The following RNF214 variants were observed in gnomAD, a reference collection of about 807,000 sequenced individuals.
The protein encoded by RNF214 is ring finger protein 214.
RNF214 carries 25 observed loss-of-function variants against 75.9 expected under a neutral mutation model. That is an observed-to-expected ratio of 0.33 (90% CI 0.24 to 0.46). The LOEUF is 0.46. Ranked by LOEUF, RNF214 falls within the 20% of genes least tolerant of loss-of-function variation. The pLI, the probability that RNF214 is intolerant of heterozygous loss-of-function variation, is 1.00. For missense variants in RNF214, 725 were observed against 857.5 expected (o/e 0.85, Z 1.93); for synonymous variants, 314 against 308.8 (o/e 1.02, Z -0.18).
At chr11:117,262,502 C>T (rs2033689292) in intron 6 of RNF214, among the ~76,000 whole-genome samples, 2 of 152,142 alleles carry the variant, frequency 1.3e-5, no homozygotes, top group Admixed American at 1.3e-4. Context: ...ACCTCAGCCT[C>T]CCAAGTAACT....
chr11:117,271,460 A>C (rs1465387960), intron 6 of RNF214, among the ~76,000 whole-genome samples: 1 of 152,152 alleles, frequency 6.6e-6, no homozygotes, highest in South Asian at 2.1e-4. Flanking sequence ...TCCTTTCTCA[A>C]TGATCATAGT....
At position 117,283,186 on chromosome 11, in the gene RNF214, G is replaced by A. The variant is rs772997659; in HGVS notation, c.2022G>A (p.Ala674=). The change falls in exon 14 of 15, where the codon GCG becomes GCA. Residue 674 remains alanine, a synonymous_variant. Transcript: ENST00000300650. The stretch of plus-strand genomic sequence containing the variant: ...AGCCCAGTGAGCTGCATCCAATGGC[G>A]TGTACCCATGTATTGCACAAGGAGG... ...LVQPSELHPM[A]CTHVLHKECI... 1.8e-5 allele frequency: 29 copies of A among 1,613,376 alleles called. No individual in the cohort carries two copies. The highest frequency in any genetic ancestry group is 2.7e-5 in the African/African-American group (2 of 74,890).
At chr11:117,274,954 C>CAGT (rs1459103843) in intron 6 of RNF214, among the ~76,000 whole-genome samples, 5 of 151,986 alleles carry the variant, frequency 3.3e-5, no homozygotes, top group African/African-American at 1.2e-4. Flanking sequence ...ACTGAGATTA[C>CAGT]AGGTGTGAGC....
intron 6 of RNF214, among the ~76,000 whole-genome samples, chr11:117,247,878 A>C (rs1439653517): frequency 6.7e-6 from 1 of 149,884 alleles, no homozygotes; most frequent in Non-Finnish European, 1.5e-5. Flanking sequence ...AAAACAAAAC[A>C]AAAAAAAACA....
chr11:117,245,406 C>G (rs1287271592), intron 5 of RNF214, among the ~76,000 whole-genome samples: 4 of 150,136 alleles, frequency 2.7e-5, no homozygotes, highest in Admixed American at 6.6e-5. Context: ...ATGGCACAAT[C>G]TCGGCTCACT....
intron 6 of RNF214, among the ~76,000 whole-genome samples, chr11:117,248,699 G>T (rs1591822830): frequency 6.6e-6 from 1 of 152,170 alleles, no homozygotes; most frequent in East Asian, 1.9e-4. Flanking sequence ...CAGAAATTAT[G>T]AGGAGTGTAC....
chr11:117,237,548 G>A (rs2032944051), intron 2 of RNF214, among the ~76,000 whole-genome samples: 1 of 152,072 alleles, frequency 6.6e-6, no homozygotes, highest in Admixed American at 6.6e-5. Flanking sequence ...GTAATTCCTG[G>A]GTGAAAGATG....
chr11:117,257,921 C>G (rs1591828364), intron 6 of RNF214, among the ~76,000 whole-genome samples: 1 of 152,148 alleles, frequency 6.6e-6, no homozygotes, highest in African/African-American at 2.4e-5. Flanking sequence ...TACTTCTCCC[C>G]TAATATTTTG....
At chr11:117,233,247 G>A (rs756202406) in intron 1 of RNF214, among the ~76,000 whole-genome samples, 25 of 152,156 alleles carry the variant, frequency 1.6e-4, no homozygotes, top group Non-Finnish European at 2.8e-4. Context: ...CCAGCCCTGG[G>A]CTATGTTGGA....
At chr11:117,247,985 GAATT>G (rs2033272722) in intron 6 of RNF214, among the ~76,000 whole-genome samples, 2 of 152,134 alleles carry the variant, frequency 1.3e-5, no homozygotes, top group Non-Finnish European at 2.9e-5. Flanking sequence ...GTTTGTGAAA[GAATT>G]ATTTAGAGGA....
intron 7 of RNF214, 21 bp downstream of exon 7, chr11:117,280,025 C>G (rs1361865022): frequency 6.3e-7 from 1 of 1,582,882 alleles, no homozygotes; most frequent in Admixed American, 1.7e-5. Flanking sequence ...GAGCTGATAT[C>G]TTGAAAGTCT....
At chr11:117,252,669 T>C (rs188450642) in intron 6 of RNF214, among the ~76,000 whole-genome samples, 55 of 151,480 alleles carry the variant, frequency 3.6e-4, no homozygotes, top group Middle Eastern at 3.4e-3. Flanking sequence ...TACATGTGCC[T>C]GCCACCACGC....
intron 6 of RNF214, among the ~76,000 whole-genome samples, chr11:117,277,069 A>G (rs560219460): frequency 1.3e-5 from 2 of 152,362 alleles, no homozygotes; most frequent in Admixed American, 1.3e-4. Context: ...TAGGCTGGGT[A>G]TAGTGGCTCA....
intron 6 of RNF214, among the ~76,000 whole-genome samples, chr11:117,267,256 G>A (rs953556825): frequency 1.3e-5 from 2 of 152,100 alleles, no homozygotes; most frequent in Non-Finnish European, 2.9e-5. Context: ...ATGAAGTCTC[G>A]CTTGCCAGTT....
At chr11:117,233,674 C>T (rs935183277) in intron 1 of RNF214, among the ~76,000 whole-genome samples, 1 of 152,198 alleles carries the variant, frequency 6.6e-6, no homozygotes, top group Non-Finnish European at 1.5e-5. Flanking sequence ...CACCACTAGT[C>T]ACTCTGAAGA....
At chr11:117,280,140 T>C (rs377102820) in intron 7 of RNF214, 31 bp from the exon 8 acceptor site, 923 of 1,568,902 alleles carry the variant, frequency 5.9e-4, no homozygotes, top group Non-Finnish European at 7.7e-4. Context: ...GTAAAATTAA[T>C]AAAGTATTTA....
At chr11:117,235,559 C>G (rs563808947) in intron 2 of RNF214, among the ~76,000 whole-genome samples, 2 of 136,828 alleles carry the variant, frequency 1.5e-5, no homozygotes, top group East Asian at 4.4e-4. Flanking sequence ...AGTGCAATGG[C>G]GTGAACCCAG....
intron 6 of RNF214, among the ~76,000 whole-genome samples, chr11:117,273,179 C>A (rs923935339): frequency 2.6e-5 from 4 of 151,942 alleles, no homozygotes; most frequent in African/African-American, 9.7e-5. Flanking sequence ...TAAAGAAAAT[C>A]TGATGATATG....
intron 6 of RNF214, among the ~76,000 whole-genome samples, chr11:117,247,529 C>T (rs1426388305): frequency 5.3e-5 from 8 of 151,830 alleles, no homozygotes; most frequent in Non-Finnish European, 1.2e-4. Flanking sequence ...AATCTAACAC[C>T]GATCTCACTT....
Sources: allele counts gnomAD v4.1 joint callset (sites outside exome capture counted in the v4.1 genomes callset), GRCh38; gene constraint gnomAD v4.1.1; transcripts MANE v1.5; gene names NCBI Gene and HGNC (gene_info 2026-07-23, HGNC 2026-07-21).